Variants in COL24A1 observed in about 807,000 individuals in gnomAD.
The protein encoded by COL24A1 is collagen alpha-1(XXIV) chain.
In COL24A1, 224 loss-of-function variants were observed where a neutral mutation model predicts 253.9. The ratio of observed to expected loss-of-function variants is 0.88; its 90% confidence interval spans 0.79 to 0.99. COL24A1 has a LOEUF of 0.99. Ranked by LOEUF, COL24A1 falls within the 50% of genes least tolerant of loss-of-function variation. COL24A1 has a pLI of 0.00. For missense variants in COL24A1, 2,131 were observed against 2,068.5 expected, an observed-to-expected ratio of 1.03 and a Z score of -0.59; for synonymous variants, 685 against 673.7, an observed-to-expected ratio of 1.02 and a Z score of -0.26.
chr1:86,114,280 A>G (rs1043574830), intron 4 of COL24A1, among the ~76,000 whole-genome samples: 1 of 152,238 alleles, frequency 6.6e-6, no homozygotes, highest in Non-Finnish European at 1.5e-5. Flanking sequence ...GGAAGATAAA[A>G]AGTGAATTAG....
At chr1:85,914,511 C>T (rs1047964312) in intron 24 of COL24A1, among the ~76,000 whole-genome samples, 1 of 151,904 alleles carries the variant, frequency 6.6e-6, no homozygotes, top group Non-Finnish European at 1.5e-5. Context: ...CTGCCTCAGC[C>T]TCCTGAATGG....
rs771796059 is a variant in COL24A1 at position 86,017,132 on chromosome 1, C to T, written c.2310+19G>A. 5.0e-6 allele frequency: 8 copies of T among 1,592,010 alleles called. No individual in the cohort carries two copies. In the South Asian group the frequency reaches 9.1e-5, roughly 18 times the overall value. ...CACCATTTTGTTTCAAATTTATTAA[C>T]TTTCCACCAATATTTTACCTCTGGT... On this transcript the variant is annotated intron_variant, in intron 19 of 59. Coordinates refer to ENST00000370571, the MANE Select transcript of COL24A1 (RefSeq NM_152890.7).
intron 8 of COL24A1, among the ~76,000 whole-genome samples, chr1:86,060,696 A>G (rs1701024515): frequency 6.6e-6 from 1 of 151,994 alleles, no homozygotes; most frequent in African/African-American, 2.4e-5. Context: ...TATGAGATAC[A>G]CTTTTCTTCA....
chr1:86,016,564 C>T (rs1278829626), intron 19 of COL24A1, among the ~76,000 whole-genome samples: 2 of 152,178 alleles, frequency 1.3e-5, no homozygotes, highest in Non-Finnish European at 2.9e-5. Flanking sequence ...TCAGAAGTTT[C>T]ATCTCCATGT....
chr1:85,739,689 C>A (rs1170600608), intron 57 of COL24A1, among the ~76,000 whole-genome samples: 1 of 152,100 alleles, frequency 6.6e-6, no homozygotes, highest in Non-Finnish European at 1.5e-5. Flanking sequence ...CTACTTATGA[C>A]CTAATTCTTG....
chr1:86,105,582 G>C (rs986027719), intron 5 of COL24A1, among the ~76,000 whole-genome samples: 15 of 152,260 alleles, frequency 9.9e-5, no homozygotes, highest in Admixed American at 8.5e-4. Context: ...GTTTACATCT[G>C]GGCTAAAGTT....
intron 7 of COL24A1, among the ~76,000 whole-genome samples, chr1:86,084,389 T>C (rs1321422377): frequency 6.6e-6 from 1 of 152,220 alleles, no homozygotes; most frequent in Non-Finnish European, 1.5e-5. Flanking sequence ...CAAACCTCTC[T>C]ATTCTGTCCA....
intron 42 of COL24A1, 122 bp downstream of exon 42, chr1:85,841,100 T>C (rs1558345037): frequency 2.9e-6 from 2 of 697,582 alleles, no homozygotes; most frequent in Non-Finnish European, 2.4e-6. Flanking sequence ...CACCCTCCTA[T>C]CAAACCATGT....
chr1:86,141,656 T>C (rs1255620587), intron 2 of COL24A1, among the ~76,000 whole-genome samples: 1 of 152,054 alleles, frequency 6.6e-6, no homozygotes, highest in Non-Finnish European at 1.5e-5. Flanking sequence ...CTCAGTTAAC[T>C]AGCCTACCCA....
At chr1:85,800,043 A>C (rs1360186638) in intron 47 of COL24A1, among the ~76,000 whole-genome samples, 1 of 152,208 alleles carries the variant, frequency 6.6e-6, no homozygotes, top group Non-Finnish European at 1.5e-5. Flanking sequence ...TATGGCTCAG[A>C]ATCTGTTTTT....
rs1663272649 is a variant in COL24A1, at chr1:85,729,511, C to A, written c.*1035G>T. On this transcript the variant is annotated 3_prime_UTR_variant, in exon 60 of 60. Transcript: ENST00000370571. ...AAATTTAAGTACAGTGAAAGAAAATCAATGAATACTACAAAACATATAATT... is the reference window on the plus strand; with the variant it reads ...AAATTTAAGTACAGTGAAAGAAAATAAATGAATACTACAAAACATATAATT... 1 of 152,034 alleles carries A rather than the reference C, an allele frequency of 6.6e-6. No individual in the cohort carries two copies. The highest frequency in any genetic ancestry group is 2.4e-5 in the African/African-American group (1 of 41,260). The allele number at this position is 152,034 out of a possible 1,614,324, so 9.4% of individuals were successfully genotyped here. A position where few individuals can be genotyped will look rare whatever the true frequency, so the allele number is the denominator to read the frequency against.
At chr1:85,849,302 C>A (rs1677491830) in intron 38 of COL24A1, 51 bp downstream of exon 38, 1 of 1,424,284 alleles carries the variant, frequency 7.0e-7, no homozygotes. Flanking sequence ...CTATGGAGTT[C>A]TGGGCACATC....
intron 7 of COL24A1, among the ~76,000 whole-genome samples, chr1:86,064,238 G>A (rs1701318359): frequency 6.6e-6 from 1 of 152,094 alleles, no homozygotes; most frequent in African/African-American, 2.4e-5. Flanking sequence ...AACACCCCAT[G>A]AATGAGGTAA....
chr1:85,904,385 C>G, intron 28 of COL24A1, among the ~76,000 whole-genome samples: 1 of 152,066 alleles, frequency 6.6e-6, no homozygotes, highest in East Asian at 1.9e-4. Context: ...GATCAGTTGC[C>G]TAGTTCTGAA....
intron 24 of COL24A1, among the ~76,000 whole-genome samples, chr1:85,916,882 C>A (rs1685946326): frequency 6.6e-6 from 1 of 152,174 alleles, no homozygotes; most frequent in South Asian, 2.1e-4. Flanking sequence ...TAACTTACAA[C>A]TCAGCACTTC....
intron 47 of COL24A1, among the ~76,000 whole-genome samples, chr1:85,810,336 A>G (rs1672404168): frequency 6.6e-6 from 1 of 152,160 alleles, no homozygotes. Flanking sequence ...GGAATGCCCC[A>G]TCCCTTTTCT....
At chr1:85,891,118 T>A (rs935099642) in intron 31 of COL24A1, among the ~76,000 whole-genome samples, 3 of 152,118 alleles carry the variant, frequency 2.0e-5, no homozygotes, top group Admixed American at 1.3e-4. Context: ...CAGCATGATC[T>A]TGGCTCACTG....
At chr1:85,968,441 C>G (rs1691784399) in intron 22 of COL24A1, among the ~76,000 whole-genome samples, 1 of 152,176 alleles carries the variant, frequency 6.6e-6, no homozygotes, top group African/African-American at 2.4e-5. Flanking sequence ...CCACTTACAA[C>G]TATATTTAAG....
chr1:85,963,175 T>C (rs1032059743), intron 23 of COL24A1, among the ~76,000 whole-genome samples: 2 of 152,148 alleles, frequency 1.3e-5, no homozygotes, highest in African/African-American at 4.8e-5. Flanking sequence ...TCATCATGAG[T>C]GATCACTGAA....
Sources: gnomAD v4.1 joint callset for allele counts (sites outside exome capture counted in the v4.1 genomes callset) on GRCh38, gnomAD v4.1.1 for gene constraint, MANE v1.5 for transcripts, NCBI Gene and HGNC (gene_info 2026-07-23, HGNC 2026-07-21) for gene names.